The following PCGF6 variants were observed in gnomAD, a reference collection of about 807,000 sequenced individuals.
PCGF6 encodes the protein polycomb group ring finger 6.
A neutral mutation model predicts 45.5 loss-of-function variants in PCGF6; 24 were observed. That is an observed-to-expected ratio of 0.53 (90% CI 0.38 to 0.74). The LOEUF is 0.74. Among genes scored for constraint, PCGF6 ranks in the 30% least tolerant of loss-of-function variants. PCGF6 has a pLI of 0.00. For missense variants in PCGF6, 356 were observed against 443.2 expected, an observed-to-expected ratio of 0.80 and a Z score of 1.77; for synonymous variants, 152 against 162.1, an observed-to-expected ratio of 0.94 and a Z score of 0.47.
intron 6 of PCGF6, among the ~76,000 whole-genome samples, chr10:103,338,560 A>AG (rs1159636651): frequency 1.3e-5 from 2 of 150,584 alleles, no homozygotes; most frequent in Non-Finnish European, 3.0e-5. Context: ...AAAAAAAAAA[A>AG]GAAGACCATA....
rs376306313 is a variant in PCGF6, at chr10:103,315,994, G to GTA, written c.910-1724_910-1723dup. ...TGTGTGTGTGTGTGTGTGTGTGTGT[G>GTA]TATATATATATATATATATAGAGAG... On this transcript the variant is annotated intron_variant, in intron 8 of 9. Transcript: ENST00000369847. Among the ~76,000 whole-genome samples, 254 of 131,944 alleles carry GTA rather than the reference G, an allele frequency of 1.9e-3. No homozygotes were observed. The East Asian group carries it at 0.02, about 10-fold the overall frequency. 86.6% of individuals were successfully genotyped at this position (131,944 alleles called of 152,430 possible).
intron 8 of PCGF6, among the ~76,000 whole-genome samples, 186 bp from the exon 9 acceptor site, chr10:103,314,458 A>G (rs1371272194): frequency 6.6e-6 from 1 of 152,216 alleles, no homozygotes; most frequent in Non-Finnish European, 1.5e-5. Flanking sequence ...TAACATGGGA[A>G]GAGCATTAGA....
chr10:103,339,957 T>A lies in PCGF6; in HGVS notation c.782+5067A>T, dbSNP rs553970128. Among the ~76,000 whole-genome samples the A allele has an allele frequency of 1.5e-3, 196 of 132,432 alleles. 1 individual carries two copies. The highest frequency in any genetic ancestry group is 3.0e-3 in the South Asian group (13 of 4,264). 86.9% of individuals were successfully genotyped at this position (132,432 alleles called of 152,430 possible). A position where few individuals can be genotyped will look rare whatever the true frequency, so the allele number is the denominator to read the frequency against. On this transcript the variant is annotated intron_variant, in intron 6 of 9. Transcript: ENST00000369847. ...GGCAGGTGGATCATGAGGTCAAGAG[T>A]TCGAGACCAGCCTGGTTAACAAGGT...
chr10:103,335,090 C>T (rs2093251853), intron 6 of PCGF6, among the ~76,000 whole-genome samples: 1 of 152,036 alleles, frequency 6.6e-6, no homozygotes, highest in Non-Finnish European at 1.5e-5. Flanking sequence ...TAGGGTCTTG[C>T]TCTATCACCC....
Position 103,338,001 on chromosome 10 carries a change from TTGCA to T in PCGF6, c.783-4053_783-4050del, listed in dbSNP as rs1251609768. On this transcript the variant is annotated intron_variant, in intron 6 of 9. Coordinates refer to ENST00000369847, the MANE Select transcript of PCGF6 (RefSeq NM_001011663.2). Reference sequence around the variant, plus strand: ...ATGGCGTGAACCCGGGAGGCGGAGCTTGCAGTGAGCCGAGATCCCGCCACTGCAC... The same window carrying T: ...ATGGCGTGAACCCGGGAGGCGGAGCTGTGAGCCGAGATCCCGCCACTGCAC... Among the ~76,000 whole-genome samples the T allele has an allele frequency of 4.4e-4, 21 of 48,146 alleles. 9 individuals carry two copies. Among genetic ancestry groups the T allele is most frequent in the Non-Finnish European group, 6.9e-4 (15 of 21,784 alleles). 31.6% of individuals were successfully genotyped at this position (48,146 alleles called of 152,430 possible).
chr10:103,332,833 G>A (rs1330028564), intron 7 of PCGF6, among the ~76,000 whole-genome samples: 1 of 152,144 alleles, frequency 6.6e-6, no homozygotes, highest in Non-Finnish European at 1.5e-5. Context: ...GGGGATTTAT[G>A]GTCGGGCGCA....
At position 103,350,902 on chromosome 10, in the gene PCGF6, G is replaced by C; in HGVS notation, c.165C>G (p.Gly55=). The C allele has an allele frequency of 3.9e-6, 6 of 1,526,680 alleles. No homozygotes were observed. The highest frequency in any genetic ancestry group is 4.4e-6 in the Non-Finnish European group (5 of 1,140,578). The allele number at this position is 1,526,680 out of a possible 1,614,324, so 94.6% of individuals were successfully genotyped here. A position where few individuals can be genotyped will look rare whatever the true frequency, so the allele number is the denominator to read the frequency against. The change falls in exon 1 of 10, where the codon GGC becomes GGG. Residue 55 remains glycine, a synonymous_variant. Transcript: ENST00000369847. ...GCTCAGGGGGCCGGGAGCCGGAGCAGCCGGGAGCCCCCGTCTCAGACAGAG... is the reference window on the plus strand; with the variant it reads ...GCTCAGGGGGCCGGGAGCCGGAGCACCCGGGAGCCCCCGTCTCAGACAGAG... ...PAPLSETGAP[G]CSGSRPPELE...
intron 6 of PCGF6, among the ~76,000 whole-genome samples, chr10:103,334,538 A>G (rs1008193976): frequency 2.6e-5 from 4 of 152,136 alleles, no homozygotes; most frequent in African/African-American, 9.7e-5. Flanking sequence ...GTCTAATTTC[A>G]TATTTTTCTT....
chr10:103,311,030 T>TC (rs2093155527), intron 9 of PCGF6, among the ~76,000 whole-genome samples: 1 of 152,178 alleles, frequency 6.6e-6, no homozygotes, highest in Non-Finnish European at 1.5e-5. Context: ...AAGACGGGAC[T>TC]CGCTATACTG....
intron 6 of PCGF6, 25 bp from the exon 7 acceptor site, chr10:103,333,977 C>A (rs2093248521): frequency 6.8e-7 from 1 of 1,472,988 alleles, no homozygotes; most frequent in East Asian, 2.5e-5. Flanking sequence ...CAAAATTAAT[C>A]AATATTTAAT....
rs181000032 is a variant in PCGF6 at position 103,314,482 on chromosome 10, C to G, written c.910-210G>C. Among the ~76,000 whole-genome samples the G allele has an allele frequency of 6.6e-5, 10 of 152,210 alleles. No homozygotes were observed. In the South Asian group the frequency reaches 8.3e-4, roughly 13 times the overall value. ...AAGAGCATTAGAGGATACAGCAGGA[C>G]AACAGCACAGTATAATTGATATTCA... On this transcript the variant is annotated intron_variant, in intron 8 of 9. Coordinates refer to ENST00000369847, the MANE Select transcript of PCGF6 (RefSeq NM_001011663.2).
chr10:103,349,147 A>C, intron 1 of PCGF6, 148 bp from the exon 2 acceptor site: 1 of 661,778 alleles, frequency 1.5e-6, no homozygotes, highest in Non-Finnish European at 2.5e-6. Flanking sequence ...TCCTGGATTA[A>C]AGCGATTCTC....
At chr10:103,324,639 A>G (rs1019218617) in intron 8 of PCGF6, among the ~76,000 whole-genome samples, 1 of 151,814 alleles carries the variant, frequency 6.6e-6, no homozygotes, top group Non-Finnish European at 1.5e-5. Context: ...ACAGGCCTGT[A>G]ATCCCAGCTA....
intron 3 of PCGF6, 120 bp from the exon 4 acceptor site, chr10:103,347,570 T>G: frequency 6.8e-6 from 5 of 736,230 alleles, no homozygotes; most frequent in Non-Finnish European, 1.1e-5. Context: ...GTGAGTTACT[T>G]TTAAGTAGCA....
intron 6 of PCGF6, 77 bp downstream of exon 6, chr10:103,344,947 T>C (rs542998177): frequency 3.1e-6 from 3 of 974,128 alleles, no homozygotes; most frequent in Non-Finnish European, 4.6e-6. Context: ...AACTTGATTT[T>C]ACCTGAGTTC....
chr10:103,326,407 C>T, intron 8 of PCGF6, 127 bp downstream of exon 8: 1 of 313,594 alleles, frequency 3.2e-6, no homozygotes, highest in Non-Finnish European at 5.6e-6. Flanking sequence ...AAAAAAAAAA[C>T]AATGTCTACA....
intron 1 of PCGF6, among the ~76,000 whole-genome samples, chr10:103,350,253 AGCCC>A (rs1177159819): frequency 6.9e-6 from 1 of 144,982 alleles, no homozygotes; most frequent in Non-Finnish European, 1.5e-5. Context: ...GAACATAGGG[AGCCC>A]TCCTCGCTAC....
At chr10:103,308,054 G>C (rs994106605) in intron 9 of PCGF6, among the ~76,000 whole-genome samples, 1 of 152,284 alleles carries the variant, frequency 6.6e-6, no homozygotes, top group Non-Finnish European at 1.5e-5. Flanking sequence ...TGGATGTCTA[G>C]GCAGAAGCCT....
intron 9 of PCGF6, among the ~76,000 whole-genome samples, chr10:103,307,755 G>T (rs2093143007): frequency 1.3e-5 from 2 of 152,252 alleles, no homozygotes; most frequent in South Asian, 4.1e-4. Flanking sequence ...TTACAGGTGT[G>T]AGACATCATG....
Sources: gnomAD v4.1 joint callset for allele counts (sites outside exome capture counted in the v4.1 genomes callset) on GRCh38, gnomAD v4.1.1 for gene constraint, MANE v1.5 for transcripts, NCBI Gene and HGNC (gene_info 2026-07-23, HGNC 2026-07-21) for gene names.